WDPCP: variants seen among roughly 807,000 people sequenced by gnomAD.
WDPCP encodes WD repeat containing planar cell polarity effector.
WDPCP carries 71 observed loss-of-function variants against 93.1 expected under a neutral mutation model. The ratio of observed to expected loss-of-function variants is 0.76; its 90% CI spans 0.63 to 0.93. The LOEUF is 0.93. Ranked by LOEUF, WDPCP falls within the 40% of genes least tolerant of loss-of-function variation. WDPCP has a pLI of 0.00. For synonymous variants in WDPCP, 315 were observed against 315.0 expected (o/e 1.00, Z 0.00); for missense variants, 844 against 887.4 (o/e 0.95, Z 0.62).
intron 2 of WDPCP, among the ~76,000 whole-genome samples, chr2:63,651,766 A>G (rs755467591): frequency 1.3e-4 from 20 of 152,200 alleles, no homozygotes; most frequent in Non-Finnish European, 2.9e-4. Context: ...ATCTACATTA[A>G]TGTTTGATCT....
At chr2:63,172,065 GGGAACTATTTGGGGGTGATGGAAATGCTC>G (rs1673431760) in intron 15 of WDPCP, among the ~76,000 whole-genome samples, 1 of 152,188 alleles carries the variant, frequency 6.6e-6, no homozygotes, top group Non-Finnish European at 1.5e-5. Context: ...TTGGGCATAA[GGGAACTATTTGGGGGTGATGGAAATGCTC>G]TAAACCTAAA....
chr2:63,530,168 T>C (rs1261308896), intron 1 of WDPCP, among the ~76,000 whole-genome samples: 1 of 152,146 alleles, frequency 6.6e-6, no homozygotes, highest in Non-Finnish European at 1.5e-5. Flanking sequence ...ATTCATTGAT[T>C]TTTTTGTAGG....
intron 2 of WDPCP, among the ~76,000 whole-genome samples, chr2:63,759,557 TTCTC>T (rs1207192485): frequency 6.6e-6 from 1 of 152,228 alleles, no homozygotes. Flanking sequence ...TTCTTCCACT[TTCTC>T]TCTCTCAACC....
chr2:63,377,493 A>G (rs1486338197), intron 12 of WDPCP, among the ~76,000 whole-genome samples: 1 of 151,220 alleles, frequency 6.6e-6, no homozygotes, highest in Non-Finnish European at 1.5e-5. Context: ...GTATGTGTAT[A>G]TATACACAGT....
intron 6 of WDPCP, 32 bp from the exon 7 acceptor site, chr2:63,439,903 G>C: frequency 6.6e-7 from 1 of 1,518,990 alleles, no homozygotes; most frequent in Non-Finnish European, 9.1e-7. Flanking sequence ...AGAGAGGGAG[G>C]AAGACATGCT....
At position 63,161,242 on chromosome 2, in the gene WDPCP, G is replaced by GA. The variant is rs554626351; in HGVS notation, c.2079-7669dup. On this transcript the variant is annotated intron_variant, in intron 15 of 17. Coordinates refer to ENST00000272321, the MANE Select transcript of WDPCP (RefSeq NM_015910.7). The stretch of plus-strand genomic sequence containing the variant: ...TCTAGCTCCATTTTCAGTTGTGCAG[G>GA]AAACACCAAAGACAAAAGCATCTAT... Among the ~76,000 whole-genome samples, 104 of 152,292 alleles carry GA rather than the reference G, an allele frequency of 6.8e-4. 3 individuals are homozygous for GA. In the South Asian group the frequency reaches 0.011, roughly 17 times the overall value.
At chr2:63,497,840 G>A (rs1449945143) in intron 1 of WDPCP, among the ~76,000 whole-genome samples, 1 of 152,196 alleles carries the variant, frequency 6.6e-6, no homozygotes, top group Non-Finnish European at 1.5e-5. Flanking sequence ...TTTTGAAGGA[G>A]AGAAGAAAAG....
intron 1 of WDPCP, among the ~76,000 whole-genome samples, chr2:63,569,555 G>C (rs1413196730): frequency 6.6e-6 from 1 of 152,232 alleles, no homozygotes; most frequent in African/African-American, 2.4e-5. Context: ...AAGGTCCAAA[G>C]ATTACAAGCA....
At chr2:63,211,694 C>G (rs1676822097) in intron 14 of WDPCP, among the ~76,000 whole-genome samples, 1 of 152,114 alleles carries the variant, frequency 6.6e-6, no homozygotes, top group South Asian at 2.1e-4. Flanking sequence ...AAGTTTGAAC[C>G]CATCGCAAAG....
chr2:63,125,602 G>GT (rs933924746), intron 17 of WDPCP, among the ~76,000 whole-genome samples: 5 of 151,782 alleles, frequency 3.3e-5, no homozygotes, highest in East Asian at 1.9e-4. Context: ...TTGCTTTTCA[G>GT]TTTTTTTTGT....
rs70965114 is a variant in WDPCP, at chr2:63,261,189, GTT to G, written c.1813-1782_1813-1781del. Among the ~76,000 whole-genome samples the G allele has an allele frequency of 1.5e-3, 206 of 138,788 alleles. 1 individual carries two copies. Among genetic ancestry groups the G allele is most frequent in the South Asian group, 5.7e-3 (25 of 4,350 alleles). The allele number at this position is 138,788 out of a possible 152,430, so 91.1% of individuals were successfully genotyped here. A position where few individuals can be genotyped will look rare whatever the true frequency, so the allele number is the denominator to read the frequency against. ...CTGTCGAAAGGTTTTTTTTTTTTCTGTTTTTTTTTTTTTAATCTCCATTCCTA... is the reference window on the plus strand; with the variant it reads ...CTGTCGAAAGGTTTTTTTTTTTTCTGTTTTTTTTTTTAATCTCCATTCCTA... On this transcript the variant is annotated intron_variant, in intron 13 of 17. Transcript: ENST00000272321.
chr2:63,813,563 C>T (rs1313829977), intron 2 of WDPCP: 1 of 152,162 alleles, frequency 6.6e-6, no homozygotes, highest in Admixed American at 6.5e-5. Flanking sequence ...TTTGCTGATG[C>T]TGTTCACTTT....
intron 9 of WDPCP, among the ~76,000 whole-genome samples, chr2:63,418,711 G>A (rs13409031): frequency 0.39 from 59,274 of 152,010 alleles, 11,863 homozygotes; most frequent in Non-Finnish European, 0.42. Flanking sequence ...AAGGCAAACA[G>A]TAAGAAGGGG....
At position 63,404,677 on chromosome 2, in the gene WDPCP, G is replaced by A. The variant is rs372778995; in HGVS notation, c.826-20C>T. 11 of 1,613,314 alleles carry A rather than the reference G, an allele frequency of 6.8e-6. No individual in the cohort carries two copies. The highest frequency in any genetic ancestry group is 1.7e-5 in the Admixed American group (1 of 59,950). The stretch of plus-strand genomic sequence containing the variant: ...CAGAACCTGTTAAGAAATATATCAA[G>A]TACATTCAGATAAACTTTGGTTTTT... On this transcript the variant is annotated intron_variant, in intron 9 of 17. Transcript: ENST00000272321.
chr2:63,275,716 C>G (rs1191611066), intron 13 of WDPCP, among the ~76,000 whole-genome samples: 1 of 151,872 alleles, frequency 6.6e-6, no homozygotes, highest in Non-Finnish European at 1.5e-5. Flanking sequence ...GAAATAACAC[C>G]AGTAAAAAAA....
At chr2:63,700,778 G>C (rs958210839) in intron 2 of WDPCP, among the ~76,000 whole-genome samples, 15 of 152,088 alleles carry the variant, frequency 9.9e-5, no homozygotes, top group Non-Finnish European at 2.1e-4. Flanking sequence ...GAAAGAACAG[G>C]CTCTTCAATA....
At chr2:63,734,865 A>T (rs915813423) in intron 2 of WDPCP, among the ~76,000 whole-genome samples, 3 of 131,608 alleles carry the variant, frequency 2.3e-5, no homozygotes, top group Admixed American at 1.6e-4. Context: ...ATGGAGATAG[A>T]TAGATAGACA....
intron 2 of WDPCP, among the ~76,000 whole-genome samples, chr2:63,780,725 A>G (rs1177766265): frequency 1.3e-5 from 2 of 152,186 alleles, no homozygotes; most frequent in Non-Finnish European, 2.9e-5. Context: ...AGGAAAACAC[A>G]TCTTTCTTTG....
At chr2:63,672,735 T>C (rs1437630555) in intron 2 of WDPCP, among the ~76,000 whole-genome samples, 1 of 147,850 alleles carries the variant, frequency 6.8e-6, no homozygotes, top group Non-Finnish European at 1.5e-5. Flanking sequence ...TATTTTATTT[T>C]ATTTTATTTT....
Sources: allele counts gnomAD v4.1 joint callset (sites outside exome capture counted in the v4.1 genomes callset), GRCh38; gene constraint gnomAD v4.1.1; transcripts MANE v1.5; gene names NCBI Gene and HGNC (gene_info 2026-07-23, HGNC 2026-07-21).